Variants in NEK4 observed in about 807,000 individuals in gnomAD.
NEK4 encodes serine/threonine-protein kinase Nek4.
In NEK4, 86 loss-of-function variants were observed where a neutral mutation model predicts 98.4. The ratio of observed to expected loss-of-function variants is 0.87; its 90% confidence interval spans 0.73 to 1.05. The LOEUF (loss-of-function observed/expected upper bound fraction) is 1.05, where lower values mean the gene tolerates loss of function less well. Ranked by LOEUF, NEK4 falls within the 50% of genes least tolerant of loss-of-function variation. The pLI is 0.00. For missense variants in NEK4, 898 were observed against 950.3 expected, an observed-to-expected ratio of 0.94 and a Z score of 0.72; for synonymous variants, 328 against 342.2, an observed-to-expected ratio of 0.96 and a Z score of 0.46.
rs532796080 is a variant in NEK4 at position 52,746,880 on chromosome 3, T to C, written c.1531A>G (p.Ile511Val). The change falls in exon 9 of 16, where the codon ATA becomes GTA. Residue 511 changes from isoleucine to valine, a missense_variant. Coordinates refer to ENST00000233027, the MANE Select transcript of NEK4 (RefSeq NM_003157.6). ...GGGTGGATTCTGCCCTGTTTTTCTA[T>C]AATACATTCACCAGCAACTTGATCC... ...AQDQVAGECIIEKQGRIHPDL... is the reference protein window; with the variant it reads ...AQDQVAGECIVEKQGRIHPDL... 4 of 1,613,758 alleles carry C rather than the reference T, an allele frequency of 2.5e-6. No individual in the cohort carries two copies. Among genetic ancestry groups the C allele is most frequent in the South Asian group, 1.1e-5 (1 of 91,050 alleles).
In NEK4 at chr3:52,746,751, G is replaced by C. The variant is rs770605263; in HGVS notation, c.1660C>G (p.Arg554Gly). The C allele has an allele frequency of 6.2e-7, 1 of 1,613,390 alleles. No individual in the cohort carries two copies. Among genetic ancestry groups the C allele is most frequent in the South Asian group, 1.1e-5 (1 of 90,926 alleles). Residue 554 changes from arginine to glycine, a missense_variant, in exon 9 of 16, where the codon CGC (arginine) becomes GGC (glycine). Transcript: ENST00000233027. The stretch of plus-strand genomic sequence containing the variant: ...TGACTTACAGCAAAGAGATCTCTGC[G>C]GACCTGTCTCTTTTCCCCTCTGTGC... Reference protein sequence around the residue: ...TEHRGEKRQVRRDLFAFQESP... With the variant: ...TEHRGEKRQVGRDLFAFQESP...
chr3:52,760,914 T>A lies in NEK4; in HGVS notation c.844A>T (p.Lys282Ter), dbSNP rs890570023. 6.3e-7 allele frequency: 1 copy of A among 1,585,776 alleles called. No individual in the cohort carries two copies. The highest frequency in any genetic ancestry group is 1.4e-5 in the African/African-American group (1 of 73,230). ...TKIKTSKNNI[K>*]NGDSQSKPFA... ...GGCTTGGATTGAGAGTCACCATTTT[T>A]AATGTTATTTTTGGAGGTTTTTCTT... The change falls in exon 6 of 16, where the codon AAA becomes TAA. Residue 282 changes from lysine (K) to a stop codon, truncating the protein, a stop_gained. Coordinates refer to ENST00000233027, the MANE Select transcript of NEK4 (RefSeq NM_003157.6). LOFTEE classifies it high-confidence loss of function.
intron 15 of NEK4, among the ~76,000 whole-genome samples, chr3:52,725,447 G>C (rs1258681244): frequency 6.6e-6 from 1 of 151,978 alleles, no homozygotes; most frequent in Admixed American, 6.6e-5. Context: ...CCCGGGAGGC[G>C]GAGCTTGCAG....
intron 15 of NEK4, among the ~76,000 whole-genome samples, chr3:52,731,988 G>A (rs369632604): frequency 6.6e-6 from 1 of 152,230 alleles, no homozygotes; most frequent in East Asian, 1.9e-4. Context: ...CTTGCCTGCT[G>A]CCACGTAAGA....
chr3:52,754,102 C>A (rs180798729), intron 6 of NEK4: 2 of 244,824 alleles, frequency 8.2e-6, no homozygotes, highest in Non-Finnish European at 1.6e-5. Flanking sequence ...GCAGAGGTTG[C>A]GGTGAGCCAA....
intron 6 of NEK4, chr3:52,754,426 T>C (rs1285389314): frequency 3.7e-6 from 2 of 546,648 alleles, no homozygotes; most frequent in East Asian, 9.1e-5. Flanking sequence ...CAATACTGTA[T>C]GAGAAAGATG....
intron 12 of NEK4, among the ~76,000 whole-genome samples, chr3:52,742,404 C>T (rs565817727): frequency 6.6e-6 from 1 of 152,152 alleles, no homozygotes; most frequent in Admixed American, 6.5e-5. Flanking sequence ...TGTTAAAGTG[C>T]TTTAAAGGAT....
Position 52,770,870 on chromosome 3 carries a change from CCG to C in NEK4, c.-126_-125del. ...GGGGCGGCTGTTGAGGCAGCCGGGC[CCG>C]GGCGGGATTGCTGGGGCCCGGCCCG... On this transcript the variant is annotated 5_prime_UTR_variant, in exon 1 of 16. It removes the in-frame stop codon of an upstream open reading frame in the 5' UTR. Transcript: ENST00000233027. The C allele has an allele frequency of 2.4e-6, 2 of 838,532 alleles. No homozygotes were observed. The highest frequency in any genetic ancestry group is 3.4e-5 in the African/African-American group (2 of 58,442). The allele number at this position is 838,532 out of a possible 1,614,324, so 51.9% of individuals were successfully genotyped here.
At chr3:52,724,882 AAC>A (rs2097363102) in intron 15 of NEK4, among the ~76,000 whole-genome samples, 1 of 152,244 alleles carries the variant, frequency 6.6e-6, no homozygotes, top group Non-Finnish European at 1.5e-5. Context: ...ATTTAATCAA[AAC>A]ACATTGTATA....
At chr3:52,732,543 G>T in intron 15 of NEK4, 1 of 250,014 alleles carries the variant, frequency 4.0e-6, no homozygotes, top group East Asian at 1.1e-4. Flanking sequence ...AAGCCCAGAA[G>T]AGAAAGAAGC....
At position 52,769,079 on chromosome 3, in the gene NEK4, C is replaced by T. The variant is rs111306878; in HGVS notation, c.94-475G>A. Among the ~76,000 whole-genome samples, 172 of 152,042 alleles carry T rather than the reference C, an allele frequency of 1.1e-3. 1 individual carries two copies. Among genetic ancestry groups the T allele is most frequent in the African/African-American group, 3.7e-3 (155 of 41,482 alleles). ...ACTAAAAATACAAAAATTAGCCCGGCGTGGTGGTGTGTACCCATAGTCCCA... is the reference window on the plus strand; with the variant it reads ...ACTAAAAATACAAAAATTAGCCCGGTGTGGTGGTGTGTACCCATAGTCCCA... On this transcript the variant is annotated intron_variant, in intron 1 of 15. Transcript: ENST00000233027.
chr3:52,722,882 C>T (rs1033790839), intron 15 of NEK4, among the ~76,000 whole-genome samples: 1 of 151,990 alleles, frequency 6.6e-6, no homozygotes, highest in South Asian at 2.1e-4. Flanking sequence ...AGCGACAGAG[C>T]GAGACTCTGT....
At chr3:52,764,106 GA>G (rs1325883257) in intron 4 of NEK4, among the ~76,000 whole-genome samples, 1 of 151,844 alleles carries the variant, frequency 6.6e-6, no homozygotes, top group African/African-American at 2.4e-5. Flanking sequence ...CCAACATGGT[GA>G]AACCCCGTCT....
At chr3:52,730,463 G>T (rs532250971) in intron 15 of NEK4, among the ~76,000 whole-genome samples, 1 of 152,162 alleles carries the variant, frequency 6.6e-6, no homozygotes, top group Non-Finnish European at 1.5e-5. Context: ...CCTGGTGCTG[G>T]GGCCAGACAG....
chr3:52,722,177 A>AG (rs2097360716), intron 15 of NEK4, among the ~76,000 whole-genome samples: 3 of 152,178 alleles, frequency 2.0e-5, no homozygotes, highest in Non-Finnish European at 4.4e-5. Context: ...ACCTTAAGGT[A>AG]GGGGGACCAC....
At chr3:52,741,629 AATACAAAAATTGTTCCC>A in intron 12 of NEK4, 130 bp from the exon 13 acceptor site, 1 of 537,934 alleles carries the variant, frequency 1.9e-6, no homozygotes, top group Non-Finnish European at 3.3e-6. Flanking sequence ...GAATCTAACA[AATACAAAAATTGTTCCC>A]ATATGATTTG....
Position 52,752,372 on chromosome 3 carries a change from T to C in NEK4, c.964-36A>G, listed in dbSNP as rs750402665. ...AGATGTTTGGAAATTATTATAGCACTCCTCATATCTTATACAAAATCAACT... is the reference window on the plus strand; with the variant it reads ...AGATGTTTGGAAATTATTATAGCACCCCTCATATCTTATACAAAATCAACT... On this transcript the variant is annotated intron_variant, in intron 6 of 15. Coordinates refer to ENST00000233027, the MANE Select transcript of NEK4 (RefSeq NM_003157.6). 6 of 1,558,284 alleles carry C rather than the reference T, an allele frequency of 3.9e-6. No individual in the cohort carries two copies. The African/African-American group carries it at 8.3e-5, about 22-fold the overall frequency.
At chr3:52,733,362 G>A (rs569687399) in intron 15 of NEK4, 23 of 359,140 alleles carry the variant, frequency 6.4e-5, no homozygotes, top group Non-Finnish European at 1.1e-4. Context: ...GAGAGGCCTC[G>A]CAAATGTAAC....
chr3:52,713,862 A>G (rs2097352717), intron 15 of NEK4, among the ~76,000 whole-genome samples: 1 of 152,166 alleles, frequency 6.6e-6, no homozygotes, highest in African/African-American at 2.4e-5. Context: ...AAATTTAAAA[A>G]GACATAATTA....
Sources: allele counts gnomAD v4.1 joint callset (sites outside exome capture counted in the v4.1 genomes callset), GRCh38; gene constraint gnomAD v4.1.1; transcripts MANE v1.5; gene names NCBI Gene and HGNC (gene_info 2026-07-23, HGNC 2026-07-21).